The following KIF27 variants were observed in gnomAD, a reference collection of about 807,000 sequenced individuals.
The protein encoded by KIF27 is kinesin family member 27.
Under a neutral mutation model 141.8 loss-of-function variants are expected in KIF27, and 84 were observed. The ratio of observed to expected loss-of-function variants is 0.59; its 90% CI spans 0.50 to 0.71. KIF27 has a LOEUF of 0.71. KIF27 is among the 30% of genes least tolerant of loss of function. The pLI, the probability that KIF27 is intolerant of heterozygous loss-of-function variation, is 0.00. For synonymous variants in KIF27, 471 were observed against 569.5 expected, an observed-to-expected ratio of 0.83 and a Z score of 2.46; for missense variants, 1,306 against 1,628.4, an observed-to-expected ratio of 0.80 and a Z score of 3.41.
chr9:83,887,885 A>C (rs139915902), intron 8 of KIF27, among the ~76,000 whole-genome samples: 8 of 152,148 alleles, frequency 5.3e-5, no homozygotes, highest in Non-Finnish European at 1.2e-4. Context: ...TAGGTTCTTA[A>C]AGAGATGCTC....
chr9:83,913,126 C>T (rs1467195307), intron 2 of KIF27, among the ~76,000 whole-genome samples: 2 of 152,034 alleles, frequency 1.3e-5, no homozygotes, highest in Non-Finnish European at 2.9e-5. Flanking sequence ...GATTGTGCCA[C>T]TGCACTCCAG....
chr9:83,850,494 T>C (rs1359835464), intron 15 of KIF27, among the ~76,000 whole-genome samples, 197 bp from the exon 16 acceptor site: 1 of 152,044 alleles, frequency 6.6e-6, no homozygotes, highest in Non-Finnish European at 1.5e-5. Context: ...TTTGTTGGAG[T>C]TCAGGCCAGG....
chr9:83,886,346 A>G (rs1952104175), intron 9 of KIF27, among the ~76,000 whole-genome samples: 1 of 152,140 alleles, frequency 6.6e-6, no homozygotes, highest in Non-Finnish European at 1.5e-5. Flanking sequence ...GCTTATACAG[A>G]GAAGACCCTT....
At chr9:83,847,233 C>T (rs34345309) in intron 16 of KIF27, among the ~76,000 whole-genome samples, 1 of 152,140 alleles carries the variant, frequency 6.6e-6, no homozygotes, top group African/African-American at 2.4e-5. Context: ...TGTGACCAGC[C>T]GCAGAAACGA....
At position 83,835,647 on chromosome 9, in the gene KIF27, T is replaced by C. The variant is rs1298995316; in HGVS notation, c.*1354A>G. ...AAGTCTTTGAGCACAGGGTGACAGTTTGGGTCCTATGTGAGATGATCAAAT... is the reference window on the plus strand; with the variant it reads ...AAGTCTTTGAGCACAGGGTGACAGTCTGGGTCCTATGTGAGATGATCAAAT... On this transcript the variant is annotated 3_prime_UTR_variant, in exon 18 of 18. Coordinates refer to ENST00000297814, the MANE Select transcript of KIF27 (RefSeq NM_017576.4). 1 of 152,066 alleles carries C rather than the reference T, an allele frequency of 6.6e-6. No homozygotes were observed. Among genetic ancestry groups the C allele is most frequent in the East Asian group, 1.9e-4 (1 of 5,200 alleles). 9.4% of individuals were successfully genotyped at this position (152,066 alleles called of 1,614,324 possible).
At chr9:83,861,628 A>G (rs9314725) in intron 13 of KIF27, among the ~76,000 whole-genome samples, 107,309 of 151,350 alleles carry the variant, frequency 0.71, 39,663 homozygotes, top group African/African-American at 0.92. Flanking sequence ...GAATAGTGCC[A>G]CAATAAACAT....
At position 83,908,510 on chromosome 9, in the gene KIF27, T is replaced by C. The variant is rs1211629207; in HGVS notation, c.441A>G (p.Leu147=). 2 of 1,612,496 alleles carry C rather than the reference T, an allele frequency of 1.2e-6. No individual in the cohort carries two copies. The highest frequency in any genetic ancestry group is 1.7e-5 in the Admixed American group (1 of 59,990). Residue 147 remains leucine, a synonymous_variant, in exon 3 of 18, where the codon CTA becomes CTG. Coordinates refer to ENST00000297814, the MANE Select transcript of KIF27 (RefSeq NM_017576.4). ...GATCCTTCATGGATGTCTCCAATTCTAGAAGATCTCTTAGGTCTTCCTTGT... is the reference window on the plus strand; with the variant it reads ...GATCCTTCATGGATGTCTCCAATTCCAGAAGATCTCTTAGGTCTTCCTTGT... ...EVYKEDLRDL[L]ELETSMKDLH...
Position 83,887,098 on chromosome 9 carries a change from C to A in KIF27, c.2182G>T (p.Glu728Ter), listed in dbSNP as rs868641474. Residue 728 changes from glutamate (E) to a stop codon, truncating the protein, a stop_gained, in exon 9 of 18, where the codon GAA (glutamate) becomes TAA (stop). Transcript: ENST00000297814. LOFTEE classifies it high-confidence loss of function. ...ILTEAKQKMRELTINIKMKED... is the reference protein window; with the variant it reads ...ILTEAKQKMR ...TTCATCTTGATGTTAATTGTAAGTT[C>A]TCTCATTTTTTGTTTAGCTTCAGTA... 2.5e-6 allele frequency: 4 copies of A among 1,600,296 alleles called. No homozygotes were observed. The highest frequency in any genetic ancestry group is 2.6e-6 in the Non-Finnish European group (3 of 1,175,794).
intron 6 of KIF27, among the ~76,000 whole-genome samples, chr9:83,890,391 G>A (rs1029091486): frequency 7.2e-5 from 11 of 152,166 alleles, no homozygotes; most frequent in African/African-American, 1.9e-4. Flanking sequence ...CAAATACAAC[G>A]TACTAGACAT....
At position 83,834,951 on chromosome 9, in the gene KIF27, A is replaced by G. The variant is rs1945655304; in HGVS notation, c.*2050T>C. 6.7e-6 allele frequency among the ~76,000 whole-genome samples: 1 copy of G among 148,924 alleles called. No homozygotes were observed. The highest frequency in any genetic ancestry group is 2.5e-5 in the African/African-American group (1 of 40,738). The stretch of plus-strand genomic sequence containing the variant: ...ATACTATATATATACAAGTGTTTAT[A>G]TACAAGTATATATAATGGTAAAAGG... On this transcript the variant is annotated 3_prime_UTR_variant, in exon 18 of 18. Coordinates refer to ENST00000297814, the MANE Select transcript of KIF27 (RefSeq NM_017576.4).
chr9:83,866,122 A>G (rs3906190), intron 13 of KIF27, among the ~76,000 whole-genome samples: 3 of 152,030 alleles, frequency 2.0e-5, no homozygotes, highest in African/African-American at 4.8e-5. Flanking sequence ...GTCCCAGAGT[A>G]AGAAAAAATA....
chr9:83,907,274 A>G (rs1219620411), intron 3 of KIF27, among the ~76,000 whole-genome samples: 1 of 150,590 alleles, frequency 6.6e-6, no homozygotes, highest in African/African-American at 2.4e-5. Context: ...TGGGTGACAG[A>G]GCAAGACTCC....
intron 11 of KIF27, 105 bp from the exon 12 acceptor site, chr9:83,870,737 C>A: frequency 9.1e-6 from 13 of 1,421,248 alleles, no homozygotes; most frequent in Non-Finnish European, 1.2e-5. Context: ...TGGAGACAAG[C>A]TCTCGCTCTG....
chr9:83,906,212 A>T (rs914853050), intron 3 of KIF27, among the ~76,000 whole-genome samples: 1 of 152,236 alleles, frequency 6.6e-6, no homozygotes, highest in African/African-American at 2.4e-5. Context: ...TAATAAGACC[A>T]TAAGCTACCA....
At chr9:83,873,821 G>A (rs781020758) in intron 11 of KIF27, among the ~76,000 whole-genome samples, 7 of 152,136 alleles carry the variant, frequency 4.6e-5, no homozygotes, top group Non-Finnish European at 8.8e-5. Context: ...AGGCCAAGGC[G>A]GGTAGATCAC....
At chr9:83,858,929 G>C (rs1431000122) in intron 14 of KIF27, 1 of 547,554 alleles carries the variant, frequency 1.8e-6, no homozygotes, top group Admixed American at 3.2e-5. Flanking sequence ...ATGCCTGGCA[G>C]TGCCAGGAAG....
chr9:83,841,669 A>C (rs553273619), intron 17 of KIF27, among the ~76,000 whole-genome samples: 254 of 152,326 alleles, frequency 1.7e-3, no homozygotes, highest in African/African-American at 5.8e-3. Flanking sequence ...TTTTAATCAT[A>C]GGAATATATT....
intron 3 of KIF27, among the ~76,000 whole-genome samples, chr9:83,905,121 CT>C (rs1317728755): frequency 0.016 from 2,305 of 145,232 alleles, 56 homozygotes; most frequent in African/African-American, 0.054. Flanking sequence ...AAAAATATTT[CT>C]TTTTTTTTTT....
chr9:83,867,838 C>T lies in KIF27; in HGVS notation c.2780G>A (p.Trp927Ter), dbSNP rs1058995. The change falls in exon 13 of 18, where the codon TGG (tryptophan) becomes TAG (stop). Residue 927 changes from tryptophan (W) to a stop codon, truncating the protein, a stop_gained. Transcript: ENST00000297814. LOFTEE classifies it high-confidence loss of function. ...HLQKLDEQKK[W>*]LDEEVEKVLN... is the part of the protein sequence containing the mutation. ...AACTTTCTCTACTTCTTCATCTAACCATTTCTTTTGCTCATCCAATTTCTA... is the reference window on the plus strand; with the variant it reads ...AACTTTCTCTACTTCTTCATCTAACTATTTCTTTTGCTCATCCAATTTCTA... The T allele has an allele frequency of 3.8e-5, 61 of 1,590,440 alleles. No individual in the cohort carries two copies. Among genetic ancestry groups the T allele is most frequent in the Non-Finnish European group, 5.0e-5 (59 of 1,172,098 alleles).
Sources: allele counts gnomAD v4.1 joint callset (sites outside exome capture counted in the v4.1 genomes callset), GRCh38; gene constraint gnomAD v4.1.1; transcripts MANE v1.5; gene names NCBI Gene and HGNC (gene_info 2026-07-23, HGNC 2026-07-21).